PTPRT: variants seen among roughly 807,000 people sequenced by gnomAD.
The protein encoded by PTPRT is protein tyrosine phosphatase receptor type T, also known as receptor-type tyrosine-protein phosphatase T.
A neutral mutation model predicts 176.8 loss-of-function variants in PTPRT; 56 were observed. That is an observed-to-expected ratio of 0.32 (90% CI 0.26 to 0.40). The LOEUF (loss-of-function observed/expected upper bound fraction) is 0.40. Among genes scored for constraint, PTPRT ranks in the 10% least tolerant of loss-of-function variants. PTPRT has a pLI of 1.00. For synonymous variants in PTPRT, 783 were observed against 739.0 expected, an observed-to-expected ratio of 1.06 and a Z score of -0.96; for missense variants, 1,540 against 1,908.2, an observed-to-expected ratio of 0.81 and a Z score of 3.60.
intron 26 of PTPRT, 110 bp downstream of exon 26, chr20:42,102,014 G>A (rs1985986413): frequency 1.5e-6 from 2 of 1,297,622 alleles, no homozygotes; most frequent in South Asian, 1.4e-5. Flanking sequence ...ATCAGAAGCA[G>A]GGGGGGCTGG....
At position 42,701,015 on chromosome 20, in the gene PTPRT, A is replaced by G. The variant is rs184226868; in HGVS notation, c.860-22856T>C. On this transcript the variant is annotated intron_variant, in intron 6 of 30. Coordinates refer to ENST00000373187, the MANE Select transcript of PTPRT (RefSeq NM_007050.6). ...TCCCAACAGCAATTTGAAAGCCGCCACAAGGCTACATACAGCAGACATAAC... is the reference window on the plus strand; with the variant it reads ...TCCCAACAGCAATTTGAAAGCCGCCGCAAGGCTACATACAGCAGACATAAC... Among the ~76,000 whole-genome samples the G allele has an allele frequency of 5.9e-5, 9 of 152,304 alleles. No individual in the cohort carries two copies. The East Asian group carries it at 1.7e-3, about 29-fold the overall frequency.
chr20:43,169,134 G>A (rs1836840521), intron 1 of PTPRT, among the ~76,000 whole-genome samples: 1 of 152,168 alleles, frequency 6.6e-6, no homozygotes, highest in South Asian at 2.1e-4. Context: ...AACCATCTAA[G>A]ATCCAGCTTC....
intron 27 of PTPRT, among the ~76,000 whole-genome samples, chr20:42,088,712 A>T (rs1984287776): frequency 6.6e-6 from 1 of 152,196 alleles, no homozygotes; most frequent in African/African-American, 2.4e-5. Context: ...CATCACCCAC[A>T]GAGTTGGGTA....
intron 1 of PTPRT, among the ~76,000 whole-genome samples, chr20:43,142,322 G>A (rs1326042621): frequency 1.3e-5 from 2 of 152,346 alleles, no homozygotes; most frequent in East Asian, 1.9e-4. Flanking sequence ...GAACCAGCCT[G>A]GCCACAGGGC....
intron 15 of PTPRT, among the ~76,000 whole-genome samples, chr20:42,207,356 G>A (rs1312845812): frequency 6.7e-6 from 1 of 148,714 alleles, no homozygotes; most frequent in Non-Finnish European, 1.5e-5. Flanking sequence ...GCTACAGGAG[G>A]ACATTCAAAC....
At chr20:42,535,621 C>T (rs74567823) in intron 7 of PTPRT, among the ~76,000 whole-genome samples, 222 of 152,272 alleles carry the variant, frequency 1.5e-3, no homozygotes, top group Non-Finnish European at 2.1e-3. Context: ...TGGGGGCTAC[C>T]ATCAGTGCTA....
intron 17 of PTPRT, among the ~76,000 whole-genome samples, chr20:42,150,092 G>A (rs570051199): frequency 1.3e-5 from 2 of 152,202 alleles, no homozygotes; most frequent in African/African-American, 4.8e-5. Flanking sequence ...CTTCTACCTG[G>A]TTCTACTGAG....
intron 7 of PTPRT, among the ~76,000 whole-genome samples, chr20:42,554,229 A>G (rs972261896): frequency 2.0e-5 from 3 of 152,134 alleles, no homozygotes; most frequent in Non-Finnish European, 2.9e-5. Flanking sequence ...TCCAATGTCT[A>G]TAATACTAAT....
intron 1 of PTPRT, among the ~76,000 whole-genome samples, chr20:42,907,341 G>A (rs533806596): frequency 2.0e-5 from 3 of 152,212 alleles, no homozygotes; most frequent in African/African-American, 7.2e-5. Flanking sequence ...GTTCATAAAG[G>A]ATCTCAGGGA....
At chr20:42,728,581 T>C (rs1488143716) in intron 6 of PTPRT, among the ~76,000 whole-genome samples, 2 of 152,148 alleles carry the variant, frequency 1.3e-5, no homozygotes, top group Non-Finnish European at 2.9e-5. Flanking sequence ...CAAGCACACA[T>C]ATACAGTATC....
chr20:42,478,031 C>G (rs574461905), intron 7 of PTPRT, among the ~76,000 whole-genome samples: 3 of 152,270 alleles, frequency 2.0e-5, no homozygotes, highest in South Asian at 2.1e-4. Context: ...AATTCCCTGC[C>G]ACGAGGCCCT....
intron 7 of PTPRT, among the ~76,000 whole-genome samples, chr20:42,476,097 G>T (rs967574395): frequency 2.6e-5 from 4 of 152,148 alleles, no homozygotes; most frequent in African/African-American, 4.8e-5. Flanking sequence ...AGTCTCAAAA[G>T]GTTGTTAATG....
At chr20:43,136,604 T>G (rs890138815) in intron 1 of PTPRT, among the ~76,000 whole-genome samples, 1 of 152,066 alleles carries the variant, frequency 6.6e-6, no homozygotes, top group South Asian at 2.1e-4. Context: ...TCTACCCCCA[T>G]ACTACACACA....
intron 9 of PTPRT, among the ~76,000 whole-genome samples, chr20:42,407,430 G>T (rs1240250427): frequency 6.6e-6 from 1 of 152,110 alleles, no homozygotes; most frequent in Non-Finnish European, 1.5e-5. Flanking sequence ...AGTTTTCATT[G>T]ATGTATATGC....
At chr20:43,035,759 G>A (rs4444608) in intron 1 of PTPRT, among the ~76,000 whole-genome samples, 48,302 of 152,158 alleles carry the variant, frequency 0.32, 10,622 homozygotes, top group African/African-American at 0.62. Flanking sequence ...AGAATTTGGA[G>A]TCCACTGAGC....
At chr20:42,717,696 G>A (rs1478615593) in intron 6 of PTPRT, among the ~76,000 whole-genome samples, 2 of 152,062 alleles carry the variant, frequency 1.3e-5, no homozygotes, top group African/African-American at 4.8e-5. Context: ...ATCAACAGAT[G>A]CCATTAATTA....
chr20:42,941,186 T>G (rs548116172), intron 1 of PTPRT, among the ~76,000 whole-genome samples: 271 of 152,166 alleles, frequency 1.8e-3, no homozygotes, highest in African/African-American at 6.3e-3. Flanking sequence ...AGTCTGGTCC[T>G]CAGCAAAATA....
intron 1 of PTPRT, among the ~76,000 whole-genome samples, chr20:42,933,940 C>T (rs1980021607): frequency 6.6e-6 from 1 of 152,232 alleles, no homozygotes; most frequent in Non-Finnish European, 1.5e-5. Flanking sequence ...ATCAGCTCAA[C>T]ATCCTATGCA....
chr20:42,924,573 T>C (rs1979364394), intron 1 of PTPRT, among the ~76,000 whole-genome samples: 1 of 152,160 alleles, frequency 6.6e-6, no homozygotes, highest in Non-Finnish European at 1.5e-5. Flanking sequence ...TAAGCGTAAG[T>C]GAAATCACTT....
Sources: allele counts gnomAD v4.1 joint callset (sites outside exome capture counted in the v4.1 genomes callset), GRCh38; gene constraint gnomAD v4.1.1; transcripts MANE v1.5; gene names NCBI Gene and HGNC (gene_info 2026-07-23, HGNC 2026-07-21).